The following BTBD9 variants were observed in gnomAD, a reference collection of about 807,000 sequenced individuals.
BTBD9 encodes the protein BTB/POZ domain-containing protein 9.
Under a neutral mutation model 64.3 loss-of-function variants are expected in BTBD9, and 49 were observed. The observed-to-expected ratio is 0.76, with a 90% confidence interval of 0.61 to 0.97. The LOEUF is 0.97. Among genes scored for constraint, BTBD9 ranks in the 50% least tolerant of loss-of-function variants. The pLI, the probability that BTBD9 is intolerant of heterozygous loss-of-function variation, is 0.00. For missense variants in BTBD9, 598 were observed against 762.1 expected (o/e 0.78, Z 2.53); for synonymous variants, 260 against 274.7 (o/e 0.95, Z 0.53).
intron 8 of BTBD9, among the ~76,000 whole-genome samples, chr6:38,283,171 G>A (rs1040610643): frequency 2.6e-5 from 4 of 152,194 alleles, no homozygotes; most frequent in Non-Finnish European, 4.4e-5. Context: ...CACTGACCAT[G>A]CTTACTTAGG....
chr6:38,476,901 A>G (rs1346546693), intron 6 of BTBD9, among the ~76,000 whole-genome samples: 1 of 152,238 alleles, frequency 6.6e-6, no homozygotes, highest in Non-Finnish European at 1.5e-5. Context: ...TACTATACCT[A>G]ATTTTCCCTT....
intron 7 of BTBD9, among the ~76,000 whole-genome samples, chr6:38,296,987 T>G (rs1467043629): frequency 6.6e-6 from 1 of 152,202 alleles, no homozygotes; most frequent in Non-Finnish European, 1.5e-5. Context: ...GGGGGATGTA[T>G]GGTTCTATAT....
chr6:38,214,129 A>G (rs1171536060), intron 9 of BTBD9, among the ~76,000 whole-genome samples: 1 of 152,176 alleles, frequency 6.6e-6, no homozygotes, highest in African/African-American at 2.4e-5. Flanking sequence ...GTGTTGGCCT[A>G]GATTTCTCTC....
chr6:38,242,201 T>C (rs1764014640), intron 9 of BTBD9, among the ~76,000 whole-genome samples: 3 of 152,174 alleles, frequency 2.0e-5, no homozygotes. Context: ...CTCCTTGGGT[T>C]GGGAAATCAC....
At chr6:38,250,824 G>A (rs530656209) in intron 9 of BTBD9, among the ~76,000 whole-genome samples, 1 of 152,302 alleles carries the variant, frequency 6.6e-6, no homozygotes, top group South Asian at 2.1e-4. Flanking sequence ...TGTAATCCCA[G>A]CACTTTGGGA....
chr6:38,463,450 A>G (rs1207926067), intron 6 of BTBD9, among the ~76,000 whole-genome samples: 3 of 152,254 alleles, frequency 2.0e-5, no homozygotes, highest in Non-Finnish European at 4.4e-5. Context: ...TCCCCAACAT[A>G]GTCCTGACGT....
intron 6 of BTBD9, among the ~76,000 whole-genome samples, chr6:38,456,466 G>T (rs2127345292): frequency 6.6e-6 from 1 of 152,296 alleles, no homozygotes; most frequent in East Asian, 1.9e-4. Context: ...CTTACCAGCA[G>T]ATTCCAGATG....
intron 6 of BTBD9, among the ~76,000 whole-genome samples, chr6:38,399,069 G>C (rs1211771260): frequency 6.6e-6 from 1 of 152,176 alleles, no homozygotes; most frequent in Non-Finnish European, 1.5e-5. Context: ...AGGTCCTATG[G>C]TGAGAAAAAT....
intron 6 of BTBD9, among the ~76,000 whole-genome samples, chr6:38,536,579 G>A (rs1774030728): frequency 6.6e-6 from 1 of 152,118 alleles, no homozygotes; most frequent in South Asian, 2.1e-4. Context: ...AGCAACCTAA[G>A]TGTCCATCAA....
intron 9 of BTBD9, among the ~76,000 whole-genome samples, chr6:38,251,083 G>GAA (rs1255908627): frequency 5.5e-4 from 76 of 137,290 alleles, no homozygotes; most frequent in African/African-American, 1.8e-3. Context: ...CTATGTCTCA[G>GAA]AAAAAAAAAA....
intron 6 of BTBD9, among the ~76,000 whole-genome samples, chr6:38,354,193 AAG>A (rs1764630134): frequency 1.3e-5 from 2 of 152,152 alleles, no homozygotes; most frequent in African/African-American, 4.8e-5. Flanking sequence ...CATCAAAACC[AAG>A]AGAGTGATAA....
chr6:38,605,710 AG>A (rs1028043961), intron 1 of BTBD9, among the ~76,000 whole-genome samples: 30 of 152,224 alleles, frequency 2.0e-4, no homozygotes, highest in African/African-American at 7.2e-4. Flanking sequence ...CCCAGCTACT[AG>A]GGAGGCTGAA....
chr6:38,552,076 G>C (rs1774823015), intron 6 of BTBD9, among the ~76,000 whole-genome samples: 1 of 152,172 alleles, frequency 6.6e-6, no homozygotes, highest in South Asian at 2.1e-4. Context: ...GAAAATCAAA[G>C]TATGATACTA....
At chr6:38,435,520 G>A (rs749399400) in intron 6 of BTBD9, among the ~76,000 whole-genome samples, 9 of 151,386 alleles carry the variant, frequency 5.9e-5, no homozygotes, top group Non-Finnish European at 1.3e-4. Flanking sequence ...AGAAAAAACA[G>A]CCAACTTTTG....
intron 6 of BTBD9, among the ~76,000 whole-genome samples, chr6:38,436,752 G>A (rs1464549623): frequency 6.6e-6 from 1 of 152,192 alleles, no homozygotes; most frequent in African/African-American, 2.4e-5. Flanking sequence ...GGAGCGGACA[G>A]GTTTGAATGC....
chr6:38,203,921 T>C (rs1021192030), intron 9 of BTBD9, among the ~76,000 whole-genome samples: 6 of 152,208 alleles, frequency 3.9e-5, no homozygotes, highest in East Asian at 1.9e-4. Flanking sequence ...TACCAACACA[T>C]AGAAATGATA....
At chr6:38,446,890 G>C (rs1287820362) in intron 6 of BTBD9, among the ~76,000 whole-genome samples, 1 of 152,112 alleles carries the variant, frequency 6.6e-6, no homozygotes, top group Non-Finnish European at 1.5e-5. Context: ...GTCCTAAAGT[G>C]AAACCCTGCA....
chr6:38,307,573 T>A (rs1226137112), intron 7 of BTBD9, among the ~76,000 whole-genome samples: 1 of 152,240 alleles, frequency 6.6e-6, no homozygotes, highest in Admixed American at 6.5e-5. Flanking sequence ...AAACAGGCTA[T>A]GCCTTTTGAA....
chr6:38,346,847 T>C (rs182440856), intron 6 of BTBD9, among the ~76,000 whole-genome samples: 40 of 152,292 alleles, frequency 2.6e-4, no homozygotes, highest in Admixed American at 5.2e-4. Flanking sequence ...TCAGCCTGAG[T>C]GCTGCTGTCT....
Sources: gnomAD v4.1 joint callset for allele counts (sites outside exome capture counted in the v4.1 genomes callset) on GRCh38, gnomAD v4.1.1 for gene constraint, MANE v1.5 for transcripts, NCBI Gene and HGNC (gene_info 2026-07-23, HGNC 2026-07-21) for gene names.